Variants in CCDC146 observed in about 807,000 individuals in gnomAD.
The protein encoded by CCDC146 is coiled-coil domain containing 146, also known as coiled-coil domain-containing protein 146.
CCDC146 carries 92 observed loss-of-function variants against 119.3 expected under a neutral mutation model. The observed-to-expected ratio is 0.77, with a 90% CI of 0.65 to 0.92. CCDC146 has a LOEUF of 0.92. Ranked by LOEUF, CCDC146 falls within the 40% of genes least tolerant of loss-of-function variation. CCDC146 has a pLI of 0.00. For missense variants in CCDC146, 1,000 were observed against 1,103.0 expected (o/e 0.91, Z 1.32); for synonymous variants, 372 against 371.8 (o/e 1.00, Z -0.01).
Position 77,268,240 on chromosome 7 carries a change from C to T in CCDC146, c.1174-5454C>T, listed in dbSNP as rs1211231349. Among the ~76,000 whole-genome samples, 3 of 152,130 alleles carry T rather than the reference C, an allele frequency of 2.0e-5. No individual in the cohort carries two copies. The East Asian group carries it at 5.8e-4, about 29-fold the overall frequency. ...AAGGGGAATTTATGGTATTTTGTGG[C>T]TTGGACAATGTTCATGTTTTTGTCT... On this transcript the variant is annotated intron_variant, in intron 9 of 18. Coordinates refer to ENST00000285871, the MANE Select transcript of CCDC146 (RefSeq NM_020879.3).
chr7:77,123,198 G>A (rs1468565329), intron 1 of CCDC146, among the ~76,000 whole-genome samples: 4 of 150,500 alleles, frequency 2.7e-5, no homozygotes, highest in South Asian at 2.1e-4. Flanking sequence ...TTTGAGAATA[G>A]CATTGATCTC....
At chr7:77,264,614 C>G (rs548213611) in intron 9 of CCDC146, among the ~76,000 whole-genome samples, 1 of 152,212 alleles carries the variant, frequency 6.6e-6, no homozygotes, top group Non-Finnish European at 1.5e-5. Context: ...ATATACACAG[C>G]ACATACTTTT....
chr7:77,219,757 G>T (rs540345145), intron 2 of CCDC146, among the ~76,000 whole-genome samples: 1 of 152,116 alleles, frequency 6.6e-6, no homozygotes, highest in Non-Finnish European at 1.5e-5. Context: ...TTGGGTCTCC[G>T]GGGGTGACAT....
chr7:77,171,509 GCTGAGCTCCCTGCCACCTCCAGACTTAT>G (rs1791420928), intron 2 of CCDC146, among the ~76,000 whole-genome samples: 1 of 152,176 alleles, frequency 6.6e-6, no homozygotes, highest in East Asian at 1.9e-4. Context: ...CCTACCCACT[GCTGAGCTCCCTGCCACCTCCAGACTTAT>G]CTGCGCTCCC....
chr7:77,252,916 C>T (rs1019151706), intron 4 of CCDC146, among the ~76,000 whole-genome samples: 1 of 152,160 alleles, frequency 6.6e-6, no homozygotes, highest in Non-Finnish European at 1.5e-5. Context: ...ACTCACCTTC[C>T]TTGGGCAAAT....
intron 2 of CCDC146, among the ~76,000 whole-genome samples, chr7:77,177,308 TTAAG>T (rs1791515058): frequency 6.6e-6 from 1 of 152,126 alleles, no homozygotes; most frequent in Non-Finnish European, 1.5e-5. Flanking sequence ...TTTTTATACC[TTAAG>T]TAACTGGTTA....
chr7:77,287,045 AT>A (rs1793861055), intron 16 of CCDC146, 119 bp downstream of exon 16: 10 of 1,081,744 alleles, frequency 9.2e-6, no homozygotes, highest in Non-Finnish European at 1.4e-6. Context: ...CTAGTCACTA[AT>A]ATAGTCCTTT....
In CCDC146 at chr7:77,260,106, G is replaced by A. The variant is rs1305574175; in HGVS notation, c.856G>A (p.Glu286Lys). The A allele has an allele frequency of 6.2e-7, 1 of 1,614,020 alleles. No individual in the cohort carries two copies. The highest frequency in any genetic ancestry group is 8.5e-7 in the Non-Finnish European group (1 of 1,180,008). ...VENKVSAIVD[E>K]KENVIKEVEG... The stretch of plus-strand genomic sequence containing the variant: ...AAACAAGGTTAGTGCTATAGTGGAT[G>A]AGAAGGAAAATGTAATAAAGGAAGT... Residue 286 changes from glutamate (E) to lysine (K), a missense_variant, in exon 8 of 19, where the codon GAG (glutamate) becomes AAG (lysine). This residue lies in a region of CCDC146 where 985 missense variants were observed against 1,045.3 expected (regional missense o/e 0.94). Coordinates refer to ENST00000285871, the MANE Select transcript of CCDC146 (RefSeq NM_020879.3).
In CCDC146 at chr7:77,201,387, CAA is replaced by C. The variant is rs56093311; in HGVS notation, c.156+33579_156+33580del. ...TGAAACCCCATCTCTACTAAAAATA[CAA>C]AAAAAAAAAAAAAAATTAGCCAGGT... On this transcript the variant is annotated intron_variant, in intron 2 of 18. Transcript: ENST00000285871. Among the ~76,000 whole-genome samples, 1,255 of 133,244 alleles carry C rather than the reference CAA, an allele frequency of 9.4e-3. 14 individuals are homozygous for C. Among genetic ancestry groups the C allele is most frequent in the African/African-American group, 0.026 (973 of 37,040 alleles). 87.4% of individuals were successfully genotyped at this position (133,244 alleles called of 152,430 possible). A position where few individuals can be genotyped will look rare whatever the true frequency, so the allele number is the denominator to read the frequency against.
At chr7:77,173,735 C>T (rs1271251820) in intron 2 of CCDC146, among the ~76,000 whole-genome samples, 3 of 152,128 alleles carry the variant, frequency 2.0e-5, no homozygotes, top group South Asian at 2.1e-4. Context: ...GCCATTGCTG[C>T]GTAACTATGA....
chr7:77,178,055 A>G (rs1333268456), intron 2 of CCDC146, among the ~76,000 whole-genome samples: 1 of 152,238 alleles, frequency 6.6e-6, no homozygotes, highest in Admixed American at 6.5e-5. Flanking sequence ...TTGAATATTG[A>G]CACTAAGATT....
intron 15 of CCDC146, among the ~76,000 whole-genome samples, chr7:77,283,218 G>A (rs1793793518): frequency 6.6e-6 from 1 of 152,152 alleles, no homozygotes; most frequent in African/African-American, 2.4e-5. Context: ...CTTATTAGTA[G>A]TTGTCAGTTA....
chr7:77,224,710 C>A (rs929575098), intron 2 of CCDC146, among the ~76,000 whole-genome samples: 4 of 152,046 alleles, frequency 2.6e-5, no homozygotes, highest in South Asian at 2.1e-4. Flanking sequence ...TAATGAAGAC[C>A]CTTGTACACC....
In CCDC146 at chr7:77,259,054, A is replaced by G. The variant is rs1168597328; in HGVS notation, c.744A>G (p.Ile248Met). The G allele has an allele frequency of 6.2e-7, 1 of 1,605,666 alleles. No individual in the cohort carries two copies. The highest frequency in any genetic ancestry group is 1.1e-5 in the South Asian group (1 of 90,534). ...PVQIGKEIEK[I>M]TRKKVEMEKK... The stretch of plus-strand genomic sequence containing the variant: ...AAATTGGAAAAGAGATAGAAAAAAT[A>G]ACACGCAAAAAAGTGTATGATTTAA... The change falls in exon 7 of 19, where the codon ATA becomes ATG. Residue 248 changes from isoleucine (I) to methionine (M), a missense_variant. Ile to Met is a conservative substitution (Grantham distance 10, BLOSUM62 1). This residue lies in a region of CCDC146 where 985 missense variants were observed against 1,045.3 expected (regional missense o/e 0.94). Coordinates refer to ENST00000285871, the MANE Select transcript of CCDC146 (RefSeq NM_020879.3).
intron 2 of CCDC146, among the ~76,000 whole-genome samples, chr7:77,187,058 G>A (rs1183048242): frequency 1.3e-5 from 2 of 152,168 alleles, no homozygotes; most frequent in Non-Finnish European, 2.9e-5. Flanking sequence ...AAATGTAGAA[G>A]TATGGAGTCC....
intron 2 of CCDC146, among the ~76,000 whole-genome samples, chr7:77,232,467 T>A (rs1266122042): frequency 6.6e-6 from 1 of 152,240 alleles, no homozygotes; most frequent in African/African-American, 2.4e-5. Flanking sequence ...CACAAAACTA[T>A]TAGCCTACTC....
intron 9 of CCDC146, among the ~76,000 whole-genome samples, chr7:77,266,473 A>T (rs529028526): frequency 2.0e-5 from 3 of 152,312 alleles, no homozygotes; most frequent in Admixed American, 2.0e-4. Flanking sequence ...AATTGGGATT[A>T]TTGCAAAAAA....
chr7:77,224,881 G>A (rs763946989), intron 2 of CCDC146, among the ~76,000 whole-genome samples: 20 of 152,196 alleles, frequency 1.3e-4, no homozygotes, highest in Non-Finnish European at 2.4e-4. Context: ...CTAATTTATA[G>A]TGTACTGGCA....
intron 4 of CCDC146, among the ~76,000 whole-genome samples, chr7:77,248,185 A>G (rs963402982): frequency 6.6e-6 from 1 of 152,258 alleles, no homozygotes; most frequent in African/African-American, 2.4e-5. Flanking sequence ...CAGAAAGCCA[A>G]ATACCACATG....
Sources: allele counts gnomAD v4.1 joint callset (sites outside exome capture counted in the v4.1 genomes callset), GRCh38; gene constraint gnomAD v4.1.1; regional missense constraint gnomAD v4.1.1; transcripts MANE v1.5; gene names NCBI Gene and HGNC (gene_info 2026-07-23, HGNC 2026-07-21).